Variants in KCNAB2 observed in about 807,000 individuals in gnomAD.
The protein encoded by KCNAB2 is potassium voltage-gated channel subfamily A regulatory beta subunit 2, also known as voltage-gated potassium channel subunit beta-2.
A neutral mutation model predicts 63.6 loss-of-function variants in KCNAB2; 29 were observed. The ratio of observed to expected loss-of-function variants is 0.46; its 90% CI spans 0.34 to 0.62. The LOEUF is 0.62. Among genes scored for constraint, KCNAB2 ranks in the 20% least tolerant of loss-of-function variants. The pLI is 0.01. For synonymous variants in KCNAB2, 222 were observed against 224.2 expected, an observed-to-expected ratio of 0.99 and a Z score of 0.09; for missense variants, 359 against 563.9, an observed-to-expected ratio of 0.64 and a Z score of 3.68.
intron 1 of KCNAB2, among the ~76,000 whole-genome samples, chr1:5,993,733 C>T (rs1656733105): frequency 6.6e-6 from 1 of 152,226 alleles, no homozygotes; most frequent in South Asian, 2.1e-4. Flanking sequence ...CCTTTCCTCC[C>T]TGGCCACCGT....
In KCNAB2 at chr1:6,091,290, G is replaced by A. The variant is rs957677994; in HGVS notation, c.629G>A (p.Arg210Lys). The change falls in exon 10 of 16, where the codon AGG becomes AAG. Residue 210 changes from arginine to lysine, a missense_variant. Physicochemically the swap from Arg to Lys is conservative, Grantham distance 26 (BLOSUM62 2). Transcript: ENST00000378083. ...GACCCATTTAGTTCCTCCAAGTCAA[G>A]GACATTCATCATAGAAGGTACACAG... ...EGDPFSSSKS[R>K]TFIIEETVRA... 2.3e-5 allele frequency: 36 copies of A among 1,533,614 alleles called. No individual in the cohort carries two copies. The highest frequency in any genetic ancestry group is 5.9e-5 in the Admixed American group (3 of 50,956).
intron 1 of KCNAB2, among the ~76,000 whole-genome samples, chr1:5,997,436 G>A (rs1657001379): frequency 6.6e-6 from 1 of 152,176 alleles, no homozygotes; most frequent in Admixed American, 6.5e-5. Flanking sequence ...CCCTGACCTT[G>A]GGCCTCGTGG....
chr1:6,040,476 C>T (rs1660409179), intron 1 of KCNAB2: 2 of 1,105,016 alleles, frequency 1.8e-6, no homozygotes, highest in African/African-American at 1.5e-5. Flanking sequence ...TCTTTTTTAA[C>T]CACCACCCTC....
intron 1 of KCNAB2, among the ~76,000 whole-genome samples, chr1:5,999,377 A>G (rs1295099): frequency 0.15 from 22,956 of 152,118 alleles, 2,204 homozygotes; most frequent in East Asian, 0.32. Flanking sequence ...GGTTCCAAGA[A>G]CATGCTTTGA....
rs1226938423 is a variant in KCNAB2 at position 6,028,803 on chromosome 1, T to C, written c.-52-11714T>C. On this transcript the variant is annotated intron_variant, in intron 1 of 16. Coordinates refer to the KCNAB2 transcript ENST00000341524. This position sits in a 1 kb window ranked among gnomAD's most constrained non-coding sequence, Gnocchi z 4.0. ...GTCCCCATCGTATTAGAGTTGGCCTTTTGAAAGCTGTGAGTCCAAGTTGCC... is the reference window on the plus strand; with the variant it reads ...GTCCCCATCGTATTAGAGTTGGCCTCTTGAAAGCTGTGAGTCCAAGTTGCC... Among the ~76,000 whole-genome samples the C allele has an allele frequency of 1.3e-5, 2 of 152,164 alleles. No homozygotes were observed. The highest frequency in any genetic ancestry group is 2.9e-5 in the Non-Finnish European group (2 of 68,008).
intron 1 of KCNAB2, among the ~76,000 whole-genome samples, chr1:6,012,278 A>T (rs1178742136): frequency 1.5e-4 from 16 of 107,590 alleles, no homozygotes; most frequent in Middle Eastern, 6.0e-3. Flanking sequence ...AGATGGAGGC[A>T]GTGGTGGAGG....
chr1:6,085,527 C>G (rs1664625206), intron 6 of KCNAB2, among the ~76,000 whole-genome samples: 1 of 152,182 alleles, frequency 6.6e-6, no homozygotes, highest in Admixed American at 6.5e-5. Context: ...GCACCAGGGT[C>G]CCTGCTTGCA....
At chr1:6,023,718 G>A (rs975230758) in intron 1 of KCNAB2, among the ~76,000 whole-genome samples, 2 of 152,140 alleles carry the variant, frequency 1.3e-5, no homozygotes, top group Admixed American at 6.5e-5. Context: ...GGATTTGCAA[G>A]TATTTTCACT....
chr1:6,061,007 G>A (rs373560814), intron 2 of KCNAB2, among the ~76,000 whole-genome samples: 10 of 151,964 alleles, frequency 6.6e-5, no homozygotes, highest in African/African-American at 9.7e-5. Flanking sequence ...CTTCCACTGC[G>A]AGCCTGTTGC....
At position 6,040,589 on chromosome 1, in the gene KCNAB2, G is replaced by A. The variant is rs541930222; in HGVS notation, c.21G>A (p.Thr7=). Residue 7 remains threonine (T), a synonymous_variant, in exon 2 of 16, where the codon ACG becomes ACA. Transcript: ENST00000164247. ...GCTCCATGTATCCAGAATCAACGAC[G>A]GGCTCCCCGGCTCGGCTCTCGCTGC... 375 of 1,614,182 alleles carry A rather than the reference G, an allele frequency of 2.3e-4. 2 individuals are homozygous for A. The South Asian group carries it at 2.9e-3, about 12-fold the overall frequency.
rs529794918 is a variant in KCNAB2, at chr1:6,011,415, G to A, written c.-53+18627G>A. On this transcript the variant is annotated intron_variant, in intron 1 of 16. Coordinates refer to the KCNAB2 transcript ENST00000341524. ...GCCCAGGGCCAGGTGTGCGGGAGGC[G>A]AGGCAGGCAGCTGTGCCCAGGGCCA... Among the ~76,000 whole-genome samples the A allele has an allele frequency of 6.8e-5, 10 of 146,776 alleles. No individual in the cohort carries two copies. The South Asian group carries it at 8.9e-4, about 13-fold the overall frequency.
At chr1:6,038,879 T>G (rs1255339578) in intron 1 of KCNAB2, among the ~76,000 whole-genome samples, 1 of 152,206 alleles carries the variant, frequency 6.6e-6, no homozygotes, top group Non-Finnish European at 1.5e-5. Context: ...GCGGGGCTGT[T>G]TTGAGCCCAG....
exon 1 of KCNAB2, chr1:6,034,593 G>A (rs1024061636): frequency 2.0e-5 from 3 of 152,378 alleles, no homozygotes; most frequent in Middle Eastern, 3.4e-3. Context: ...GGTGCCGCTT[G>A]TCCCTGCACC....
At chr1:6,033,542 C>T (rs28689644), upstream of KCNAB2, among the ~76,000 whole-genome samples, 3 of 151,934 alleles carry the variant, frequency 2.0e-5, no homozygotes, top group African/African-American at 4.8e-5. Context: ...AAGAGAGGAG[C>T]GGGAATGCAT....
chr1:6,082,950 C>G (rs949338516), intron 5 of KCNAB2, among the ~76,000 whole-genome samples: 1 of 152,190 alleles, frequency 6.6e-6, no homozygotes, highest in African/African-American at 2.4e-5. Flanking sequence ...GCTGCTTGGC[C>G]CGCAGCTGCT....
chr1:6,091,164 C>A, intron 9 of KCNAB2, 99 bp from the exon 10 acceptor site: 2 of 826,850 alleles, frequency 2.4e-6, no homozygotes, highest in Non-Finnish European at 4.0e-6. Context: ...GTGTTCTGCA[C>A]GGTGATTTGT....
chr1:6,087,304 C>T lies in KCNAB2; in HGVS notation c.426-163C>T, dbSNP rs952436663. On this transcript the variant is annotated intron_variant, in intron 6 of 15. Transcript: ENST00000378083. This position sits in a 1 kb window ranked among gnomAD's most constrained non-coding sequence, Gnocchi z 6.4. ...GGAGCCCACGCACCCCGGCTGGGCACGTGGTACACATCATATGATGGAGAA... is the reference window on the plus strand; with the variant it reads ...GGAGCCCACGCACCCCGGCTGGGCATGTGGTACACATCATATGATGGAGAA... Among the ~76,000 whole-genome samples, 6 of 152,202 alleles carry T rather than the reference C, an allele frequency of 3.9e-5. No homozygotes were observed. Among genetic ancestry groups the T allele is most frequent in the African/African-American group, 1.4e-4 (6 of 41,458 alleles).
At chr1:6,056,050 C>A (rs1379363128) in intron 2 of KCNAB2, among the ~76,000 whole-genome samples, 3 of 137,020 alleles carry the variant, frequency 2.2e-5, no homozygotes, top group Non-Finnish European at 1.6e-5. Flanking sequence ...TTACACTTCC[C>A]CAGTTTTTTT....
rs1659020541 is a variant in KCNAB2 at position 6,024,418 on chromosome 1, G to T, written c.-52-16099G>T. ...TTTTAAATGAAGTATCTCTAATTTT[G>T]CCACTCAGCATTTACCAGTCACCTG... On this transcript the variant is annotated intron_variant, in intron 1 of 16. Transcript: ENST00000341524. The surrounding 1 kb of genome is among the most constrained non-coding windows in gnomAD (Gnocchi z 5.4). Among the ~76,000 whole-genome samples, 1 of 152,084 alleles carries T rather than the reference G, an allele frequency of 6.6e-6. No homozygotes were observed. Among genetic ancestry groups the T allele is most frequent in the Non-Finnish European group, 1.5e-5 (1 of 68,016 alleles).
Sources: gnomAD v4.1 joint callset for allele counts (sites outside exome capture counted in the v4.1 genomes callset) on GRCh38, gnomAD v4.1.1 for gene constraint, Gnocchi (gnomAD v3.1) non-coding constraint, MANE v1.5 for transcripts, NCBI Gene and HGNC (gene_info 2026-07-23, HGNC 2026-07-21) for gene names.